PRDM8: variants seen among roughly 807,000 people sequenced by gnomAD.
PRDM8 encodes the protein PR domain zinc finger protein 8.
PRDM8 carries 13 observed loss-of-function variants against 46.5 expected under a neutral mutation model. The ratio of observed to expected loss-of-function variants is 0.28; its 90% confidence interval spans 0.18 to 0.44. The LOEUF is 0.44. Ranked by LOEUF, PRDM8 falls within the 20% of genes least tolerant of loss-of-function variation. The probability of loss-of-function intolerance (pLI) is 1.00; values close to 1 mark genes in which losing one functional copy is unlikely to be tolerated. For missense variants in PRDM8, 998 were observed against 955.0 expected (o/e 1.04, Z -0.59); for synonymous variants, 473 against 438.4 (o/e 1.08, Z -0.98).
chr4:80,197,737 G>A lies in PRDM8; in HGVS notation c.-29G>A, dbSNP rs879078590. 5.1e-6 allele frequency: 5 copies of A among 984,826 alleles called. No homozygotes were observed. The South Asian group carries it at 1.9e-4, about 37-fold the overall frequency. The allele number at this position is 984,826 out of a possible 1,614,324, so 61.0% of individuals were successfully genotyped here. ...TCCCGGTTCCAGGTGGCCTTATTTG[G>A]GAGATTCTATACTGACCTTATTCCT... On this transcript the variant is annotated 5_prime_UTR_variant, in exon 1 of 4. Coordinates refer to ENST00000415738, the MANE Select transcript of PRDM8 (RefSeq NM_001099403.2).
chr4:80,200,569 A>T (rs1280828140), intron 2 of PRDM8, among the ~76,000 whole-genome samples: 2 of 152,236 alleles, frequency 1.3e-5, no homozygotes, highest in African/African-American at 4.8e-5. Flanking sequence ...CTGGTGATGA[A>T]CACGACTTCC....
upstream of PRDM8, chr4:80,194,146 C>T (rs1244426715): frequency 4.3e-6 from 4 of 923,772 alleles, no homozygotes; most frequent in Non-Finnish European, 5.2e-6. Flanking sequence ...CATTTATCAA[C>T]CTCTCTCCAG....
chr4:80,190,642 C>G (rs905943787), intron 1 of PRDM8, among the ~76,000 whole-genome samples: 22 of 152,228 alleles, frequency 1.4e-4, no homozygotes, highest in Non-Finnish European at 5.9e-5. Flanking sequence ...GCCTTCTCTG[C>G]ACTCTTAGTT....
In PRDM8 at chr4:80,197,680, C is replaced by A. The variant is rs1354230046; in HGVS notation, c.-86C>A. The A allele has an allele frequency of 2.0e-6, 2 of 983,354 alleles. No homozygotes were observed. The highest frequency in any genetic ancestry group is 2.4e-6 in the Non-Finnish European group (2 of 828,346). The allele number at this position is 983,354 out of a possible 1,614,324, so 60.9% of individuals were successfully genotyped here. On this transcript the variant is annotated 5_prime_UTR_variant, in exon 1 of 4. Coordinates refer to ENST00000415738, the MANE Select transcript of PRDM8 (RefSeq NM_001099403.2). ...CTCTTGACATGGAAATACACTGATA[C>A]AATAGGCAAAAGGAAACACTCGATT...
upstream of PRDM8, among the ~76,000 whole-genome samples, chr4:80,195,487 G>A (rs1028927425): frequency 4.7e-5 from 7 of 149,730 alleles, no homozygotes; most frequent in East Asian, 1.4e-3. Flanking sequence ...AGGGGACCAT[G>A]TGTCCATACT....
chr4:80,199,381 C>T (rs1738245455), intron 1 of PRDM8, among the ~76,000 whole-genome samples: 1 of 152,148 alleles, frequency 6.6e-6, no homozygotes, highest in Non-Finnish European at 1.5e-5. Flanking sequence ...CCTCTGCTTG[C>T]TGCTTTTAAT....
intron 2 of PRDM8, among the ~76,000 whole-genome samples, chr4:80,191,938 G>C (rs972184744): frequency 6.6e-6 from 1 of 152,172 alleles, no homozygotes; most frequent in South Asian, 2.1e-4. Flanking sequence ...TTTAATACAA[G>C]GTAAATCACC....
chr4:80,189,172 G>A (rs1215910486), intron 1 of PRDM8, among the ~76,000 whole-genome samples: 3 of 152,210 alleles, frequency 2.0e-5, no homozygotes, highest in Non-Finnish European at 4.4e-5. Context: ...CCAGACCTCG[G>A]CTTTTGGCCG....
Position 80,203,770 on chromosome 4 carries a change from A to G in PRDM8, c.*238A>G. On this transcript the variant is annotated 3_prime_UTR_variant, in exon 4 of 4. Transcript: ENST00000415738. Reference sequence around the variant, plus strand: ...CCCACACACACACACAGACACACTCACACACAAGAGCCAGGATGGTGGAGT... The same window carrying G: ...CCCACACACACACACAGACACACTCGCACACAAGAGCCAGGATGGTGGAGT... 1 of 417,388 alleles carries G rather than the reference A, an allele frequency of 2.4e-6. No homozygotes were observed. The highest frequency in any genetic ancestry group is 3.3e-5 in the South Asian group (1 of 30,122). The allele number at this position is 417,388 out of a possible 1,614,324, so 25.9% of individuals were successfully genotyped here.
chr4:80,200,124 C>T lies in PRDM8; in HGVS notation c.44C>T (p.Ala15Val), dbSNP rs1216119144. Residue 15 changes from alanine to valine, a missense_variant, in exon 2 of 4, where the codon GCC becomes GTC. Physicochemically the swap from Ala to Val is moderately conservative, Grantham distance 64. Transcript: ENST00000415738. ...GIQRGIWDGD[A>V]KAVQQCLTDI... is the part of the protein sequence containing the mutation. ...CAGCGAGGCATCTGGGATGGAGATG[C>T]CAAGGCTGTCCAACAATGTCTGACA... is the stretch of plus-strand genomic sequence containing the variant. The T allele has an allele frequency of 6.2e-7, 1 of 1,614,054 alleles. No individual in the cohort carries two copies.
chr4:80,195,602 G>C (rs548234962), upstream of PRDM8, among the ~76,000 whole-genome samples: 4 of 152,054 alleles, frequency 2.6e-5, no homozygotes, highest in African/African-American at 9.6e-5. Flanking sequence ...ACAATTGGTA[G>C]CTCAGTATAG....
chr4:80,201,589 G>C, intron 3 of PRDM8, 68 bp downstream of exon 3: 1 of 1,490,794 alleles, frequency 6.7e-7, no homozygotes, highest in Non-Finnish European at 9.3e-7. Flanking sequence ...AGCGGCAGGG[G>C]CTCACCCGGC....
In PRDM8 at chr4:80,203,002, C is replaced by T; in HGVS notation, c.1540C>T (p.Leu514=). 6.6e-7 allele frequency: 1 copy of T among 1,522,020 alleles called. No homozygotes were observed. The highest frequency in any genetic ancestry group is 8.7e-7 in the Non-Finnish European group (1 of 1,144,022). 94.3% of individuals were successfully genotyped at this position (1,522,020 alleles called of 1,614,324 possible). A position where few individuals can be genotyped will look rare whatever the true frequency, so the allele number is the denominator to read the frequency against. ...PARSFSQLSP[L]VLGQKLGALE... ...ACGCTCTTTCTCGCAGCTGTCCCCG[C>T]TGGTGCTGGGCCAGAAGCTGGGCGC... The change falls in exon 4 of 4, where the codon CTG becomes TTG. Residue 514 remains leucine (L), a synonymous_variant. Coordinates refer to ENST00000415738, the MANE Select transcript of PRDM8 (RefSeq NM_001099403.2).
rs1418855233 is a variant in PRDM8 at position 80,201,440 on chromosome 4, G to A, written c.370G>A (p.Glu124Lys). The A allele has an allele frequency of 1.9e-6, 3 of 1,614,210 alleles. No individual in the cohort carries two copies. The highest frequency in any genetic ancestry group is 2.5e-6 in the Non-Finnish European group (3 of 1,180,034). ...CTCTCTCCGCAGGATTGCCAAAGAC[G>A]AGGAGTTACTAGTTTGGTACGGGAA... ...YRSLRRIAKD[E>K]ELLVWYGKEL... Residue 124 changes from glutamate (E) to lysine (K), a missense_variant, in exon 3 of 4, where the codon GAG (glutamate) becomes AAG (lysine). Physicochemically the swap from Glu to Lys is moderately conservative, Grantham distance 56 (BLOSUM62 1). Coordinates refer to ENST00000415738, the MANE Select transcript of PRDM8 (RefSeq NM_001099403.2).
At chr4:80,192,400 G>A (rs1737621339) in intron 2 of PRDM8, among the ~76,000 whole-genome samples, 1 of 152,198 alleles carries the variant, frequency 6.6e-6, no homozygotes, top group African/African-American at 2.4e-5. Context: ...TTGATGTAAA[G>A]CCTCTCAATG....
rs1320384072 is a variant in PRDM8, at chr4:80,202,637, C to G, written c.1175C>G (p.Ala392Gly). ...KRSAFVEVKK[A>G]ARAASLQEEG... ...AGCGCCTTCGTGGAGGTGAAGAAGGCTGCCCGCGCGGCCAGCCTGCAGGAG... is the reference window on the plus strand; with the variant it reads ...AGCGCCTTCGTGGAGGTGAAGAAGGGTGCCCGCGCGGCCAGCCTGCAGGAG... The change falls in exon 4 of 4, where the codon GCT becomes GGT. Residue 392 changes from alanine (A) to glycine (G), a missense_variant. Physicochemically the swap from Ala to Gly is moderately conservative, Grantham distance 60. Transcript: ENST00000415738. 1 of 1,514,046 alleles carries G rather than the reference C, an allele frequency of 6.6e-7. No homozygotes were observed. Among genetic ancestry groups the G allele is most frequent in the African/African-American group, 1.4e-5 (1 of 70,552 alleles). 93.8% of individuals were successfully genotyped at this position (1,514,046 alleles called of 1,614,324 possible).
At chr4:80,196,713 G>C (rs180671770), upstream of PRDM8, 5 of 917,500 alleles carry the variant, frequency 5.4e-6, no homozygotes, top group Non-Finnish European at 6.5e-6. Flanking sequence ...CCAAGCAGAG[G>C]GGGGGAAAAA....
intron 1 of PRDM8, 68 bp from the exon 2 acceptor site, chr4:80,200,011 C>A: frequency 7.6e-7 from 1 of 1,314,980 alleles, no homozygotes; most frequent in South Asian, 1.2e-5. Context: ...TTGGACAGTT[C>A]TGCTTGGGTT....
rs534869665 is a variant in PRDM8 at position 80,203,660 on chromosome 4, GC to G, written c.*135del. The G allele has an allele frequency of 1.9e-5, 25 of 1,349,546 alleles. No homozygotes were observed. The South Asian group carries it at 2.3e-4, about 13-fold the overall frequency. The allele number at this position is 1,349,546 out of a possible 1,614,324, so 83.6% of individuals were successfully genotyped here. A position where few individuals can be genotyped will look rare whatever the true frequency, so the allele number is the denominator to read the frequency against. On this transcript the variant is annotated 3_prime_UTR_variant, in exon 4 of 4. Coordinates refer to ENST00000415738, the MANE Select transcript of PRDM8 (RefSeq NM_001099403.2). The stretch of plus-strand genomic sequence containing the variant: ...CTGCACAAAGACACATACATTCACC[GC>G]CCCCCCGCCCCCCCAACGCGCACAC...
Sources: gnomAD v4.1 joint callset for allele counts (sites outside exome capture counted in the v4.1 genomes callset) on GRCh38, gnomAD v4.1.1 for gene constraint, MANE v1.5 for transcripts, NCBI Gene and HGNC (gene_info 2026-07-23, HGNC 2026-07-21) for gene names.